Variants in ERC2 observed in about 807,000 individuals in gnomAD.
ERC2 encodes ERC protein 2.
Under a neutral mutation model 114.8 loss-of-function variants are expected in ERC2, and 42 were observed. The ratio of observed to expected loss-of-function variants is 0.37; its 90% CI spans 0.29 to 0.47. ERC2 has a LOEUF of 0.47. Ranked by LOEUF, ERC2 falls within the 20% of genes least tolerant of loss-of-function variation. The pLI is 0.99. For synonymous variants in ERC2, 454 were observed against 425.5 expected (o/e 1.07, Z -0.82); for missense variants, 939 against 1,150.7 (o/e 0.82, Z 2.66).
chr3:55,585,484 A>C (rs2107584486), intron 17 of ERC2, among the ~76,000 whole-genome samples: 1 of 152,310 alleles, frequency 6.6e-6, no homozygotes, highest in East Asian at 1.9e-4. Flanking sequence ...TCCAACTAAC[A>C]GTCCAGTTAA....
At chr3:55,776,528 C>G (rs1039420272) in intron 14 of ERC2, among the ~76,000 whole-genome samples, 10 of 152,026 alleles carry the variant, frequency 6.6e-5, no homozygotes, top group African/African-American at 1.9e-4. Flanking sequence ...GAACTCGAGA[C>G]CAGAGGAGCT....
At chr3:55,880,745 G>T (rs550939978) in intron 14 of ERC2, among the ~76,000 whole-genome samples, 9 of 149,894 alleles carry the variant, frequency 6.0e-5, no homozygotes, top group African/African-American at 2.2e-4. Flanking sequence ...ACATGTTAAA[G>T]TTTTTCTCAA....
intron 14 of ERC2, among the ~76,000 whole-genome samples, chr3:55,876,238 G>T (rs1371955937): frequency 6.6e-6 from 1 of 152,122 alleles, no homozygotes; most frequent in East Asian, 1.9e-4. Context: ...CATCCTTAGG[G>T]TTGAGACTTC....
At chr3:55,570,660 C>A (rs1448502848) in intron 17 of ERC2, among the ~76,000 whole-genome samples, 2 of 152,176 alleles carry the variant, frequency 1.3e-5, no homozygotes, top group African/African-American at 4.8e-5. Flanking sequence ...ACCACCTAGA[C>A]TGGGATGTGA....
chr3:56,203,793 C>T (rs2048541882), intron 3 of ERC2, among the ~76,000 whole-genome samples: 1 of 152,184 alleles, frequency 6.6e-6, no homozygotes, highest in Non-Finnish European at 1.5e-5. Flanking sequence ...TGGATAAGTG[C>T]TAACTGAGTG....
chr3:55,946,998 C>T (rs1488180520), intron 13 of ERC2, among the ~76,000 whole-genome samples: 1 of 152,192 alleles, frequency 6.6e-6, no homozygotes, highest in African/African-American at 2.4e-5. Flanking sequence ...GATCAGAGTG[C>T]CAGGCCATGC....
chr3:55,765,198 C>T (rs1016654216), intron 14 of ERC2, among the ~76,000 whole-genome samples: 5 of 152,238 alleles, frequency 3.3e-5, no homozygotes, highest in South Asian at 2.1e-4. Context: ...AGAATTCAGA[C>T]CAGGGCCCAT....
At chr3:55,956,912 C>T (rs1032970764) in intron 12 of ERC2, among the ~76,000 whole-genome samples, 3 of 149,792 alleles carry the variant, frequency 2.0e-5, no homozygotes, top group African/African-American at 4.9e-5. Flanking sequence ...AGTACCATCG[C>T]GCATTGTGTC....
At chr3:56,438,595 A>G (rs1389402864) in intron 1 of ERC2, among the ~76,000 whole-genome samples, 1 of 152,202 alleles carries the variant, frequency 6.6e-6, no homozygotes, top group East Asian at 1.9e-4. Context: ...TATGGTTCCA[A>G]CAGTTAAATG....
At chr3:56,462,475 G>A (rs2063355559) in intron 1 of ERC2, among the ~76,000 whole-genome samples, 1 of 152,074 alleles carries the variant, frequency 6.6e-6, no homozygotes. Flanking sequence ...TTTTTCAATG[G>A]CTTTATACTC....
rs200420265 is a variant in ERC2 at position 55,774,274 on chromosome 3, T to C, written c.2565-39356A>G. 2.6e-5 allele frequency among the ~76,000 whole-genome samples: 4 copies of C among 152,184 alleles called. No homozygotes were observed. In the East Asian group the frequency reaches 7.7e-4, roughly 29 times the overall value. ...AGAAAGCTCATGGGATCTCAGGCAG[T>C]GAGGCATTATGTCAACATCGGTTCA... is the stretch of plus-strand genomic sequence containing the variant. On this transcript the variant is annotated intron_variant, in intron 14 of 17. Coordinates refer to ENST00000288221, the MANE Select transcript of ERC2 (RefSeq NM_015576.3).
intron 17 of ERC2, among the ~76,000 whole-genome samples, chr3:55,542,305 T>A (rs1312188703): frequency 6.6e-6 from 1 of 152,180 alleles, no homozygotes; most frequent in Non-Finnish European, 1.5e-5. Flanking sequence ...CCCAAGATGG[T>A]AAATACATCT....
At chr3:55,672,864 G>A (rs1460104127) in intron 17 of ERC2, among the ~76,000 whole-genome samples, 1 of 152,114 alleles carries the variant, frequency 6.6e-6, no homozygotes, top group Non-Finnish European at 1.5e-5. Context: ...GGGCGTAGGA[G>A]TCTCTTGCAT....
intron 14 of ERC2, among the ~76,000 whole-genome samples, chr3:55,771,006 T>C (rs1267154968): frequency 6.6e-6 from 1 of 152,226 alleles, no homozygotes; most frequent in Admixed American, 6.5e-5. Context: ...TAGCATTCTA[T>C]GGTGTATATG....
intron 13 of ERC2, among the ~76,000 whole-genome samples, chr3:55,925,764 A>G (rs2065709991): frequency 6.6e-6 from 1 of 152,224 alleles, no homozygotes; most frequent in Non-Finnish European, 1.5e-5. Flanking sequence ...TTACAGACGC[A>G]TAAATAAAAG....
intron 12 of ERC2, among the ~76,000 whole-genome samples, chr3:55,968,981 G>A (rs2068956495): frequency 6.6e-6 from 1 of 152,106 alleles, no homozygotes; most frequent in Admixed American, 6.5e-5. Context: ...CCACTGAGAG[G>A]TGAGGGTGAG....
chr3:55,539,917 C>A (rs2054281218), intron 17 of ERC2, among the ~76,000 whole-genome samples: 1 of 139,320 alleles, frequency 7.2e-6, no homozygotes, highest in African/African-American at 2.5e-5. Flanking sequence ...TTTAATATAT[C>A]CTGTGGGGAT....
chr3:56,128,710 CT>C (rs1261950185), intron 6 of ERC2, among the ~76,000 whole-genome samples: 3 of 152,184 alleles, frequency 2.0e-5, no homozygotes, highest in Non-Finnish European at 4.4e-5. Flanking sequence ...ATTTCTTTCC[CT>C]CCTTCTGGTA....
chr3:56,320,194 T>C (rs2057063793), intron 2 of ERC2, among the ~76,000 whole-genome samples: 1 of 152,170 alleles, frequency 6.6e-6, no homozygotes, highest in Non-Finnish European at 1.5e-5. Context: ...TACTGTGTTT[T>C]GAAGAGATTT....
Sources: allele counts gnomAD v4.1 joint callset (sites outside exome capture counted in the v4.1 genomes callset), GRCh38; gene constraint gnomAD v4.1.1; transcripts MANE v1.5; gene names NCBI Gene and HGNC (gene_info 2026-07-23, HGNC 2026-07-21).